LYPLAL1: variants seen among roughly 807,000 people sequenced by gnomAD.
The protein encoded by LYPLAL1 is lysophospholipase like 1, also known as lysophospholipase-like protein 1.
In LYPLAL1, 23 loss-of-function variants were observed where a neutral mutation model predicts 19.7. That is an observed-to-expected ratio of 1.17 (90% CI 0.84 to 1.65). The LOEUF (loss-of-function observed/expected upper bound fraction) is 1.65, where lower values mean the gene tolerates loss of function less well. Among genes scored for constraint, LYPLAL1 ranks in the 40% most tolerant of loss-of-function variants. The pLI, the probability that LYPLAL1 is intolerant of heterozygous loss-of-function variation, is 0.00. For missense variants in LYPLAL1, 355 were observed against 279.4 expected, an observed-to-expected ratio of 1.27 and a Z score of -1.93; for synonymous variants, 119 against 96.3, an observed-to-expected ratio of 1.24 and a Z score of -1.38.
At chr1:219,309,250 A>G in the LYPLAL1 span, among the ~76,000 whole-genome samples, 1 of 151,942 alleles carries the variant, frequency 6.6e-6, no homozygotes, top group East Asian at 1.9e-4. Flanking sequence ...TTTACCCAAT[A>G]CCTGTGTACC....
At chr1:219,186,752 A>C (rs1169444886) in intron 2 of LYPLAL1, among the ~76,000 whole-genome samples, 1 of 151,670 alleles carries the variant, frequency 6.6e-6, no homozygotes, top group East Asian at 1.9e-4. Flanking sequence ...CATTGTATTT[A>C]AAGTGGATTT....
chr1:219,359,208 C>G, the LYPLAL1 span, among the ~76,000 whole-genome samples: 1 of 152,138 alleles, frequency 6.6e-6, no homozygotes, highest in Non-Finnish European at 1.5e-5. Context: ...TGGCTAATTA[C>G]TAATGTTGCT....
chr1:219,345,794 G>A, the LYPLAL1 span, among the ~76,000 whole-genome samples: 3 of 152,126 alleles, frequency 2.0e-5, no homozygotes, highest in African/African-American at 7.2e-5. Context: ...AAGGAAGCAT[G>A]GACAGGACAT....
chr1:219,220,029 G>C, the LYPLAL1 span, among the ~76,000 whole-genome samples: 16 of 152,070 alleles, frequency 1.1e-4, no homozygotes, highest in Non-Finnish European at 4.4e-5. Context: ...GTAGCTACTG[G>C]AGGGTTCTCA....
At chr1:219,264,594 C>T in the LYPLAL1 span, among the ~76,000 whole-genome samples, 1 of 152,006 alleles carries the variant, frequency 6.6e-6, no homozygotes, top group Non-Finnish European at 1.5e-5. Context: ...AAGACGAATG[C>T]TTGGTTGGGT....
the LYPLAL1 span, among the ~76,000 whole-genome samples, chr1:219,333,011 C>T: frequency 7.9e-5 from 12 of 151,998 alleles, no homozygotes; most frequent in African/African-American, 2.9e-4. Context: ...CATTTGAATT[C>T]CTTGGCTATG....
the LYPLAL1 span, among the ~76,000 whole-genome samples, chr1:219,406,327 T>C: frequency 1.3e-5 from 2 of 152,216 alleles, no homozygotes; most frequent in Non-Finnish European, 2.9e-5. Context: ...AATTTTATGC[T>C]TAGAAAAACA....
chr1:219,179,849 A>G (rs1656127957), intron 2 of LYPLAL1, among the ~76,000 whole-genome samples: 1 of 152,250 alleles, frequency 6.6e-6, no homozygotes, highest in Non-Finnish European at 1.5e-5. Context: ...ATATTAAATT[A>G]ACATCTGCAT....
At chr1:219,229,798 G>T in the LYPLAL1 span, among the ~76,000 whole-genome samples, 6 of 152,306 alleles carry the variant, frequency 3.9e-5, no homozygotes, top group East Asian at 1.2e-3. Context: ...CATGCCCTGC[G>T]AGGGGGACAA....
chr1:219,377,720 A>G, the LYPLAL1 span, among the ~76,000 whole-genome samples: 3 of 152,232 alleles, frequency 2.0e-5, no homozygotes, highest in Admixed American at 2.0e-4. Context: ...TTAAGTAATA[A>G]TTTTTCTTTT....
chr1:219,371,653 T>A, the LYPLAL1 span, among the ~76,000 whole-genome samples: 1 of 152,240 alleles, frequency 6.6e-6, no homozygotes. Context: ...TTTTGAGTTT[T>A]GGCCAATCAA....
At chr1:219,244,711 C>T in the LYPLAL1 span, among the ~76,000 whole-genome samples, 10 of 152,046 alleles carry the variant, frequency 6.6e-5, no homozygotes, top group South Asian at 2.1e-4. Flanking sequence ...TTTGGGAAGC[C>T]GAAGTAGGCA....
chr1:219,189,708 T>C (rs1656994638), intron 2 of LYPLAL1, among the ~76,000 whole-genome samples: 1 of 151,550 alleles, frequency 6.6e-6, no homozygotes, highest in East Asian at 1.9e-4. Context: ...TAAAGAGCAA[T>C]GAAGGAAAAG....
the LYPLAL1 span, among the ~76,000 whole-genome samples, chr1:219,427,002 C>T: frequency 6.6e-6 from 1 of 152,232 alleles, no homozygotes; most frequent in African/African-American, 2.4e-5. Flanking sequence ...AATCAGATCA[C>T]TTCATTCTAC....
the LYPLAL1 span, among the ~76,000 whole-genome samples, chr1:219,352,318 C>T: frequency 6.6e-6 from 1 of 152,106 alleles, no homozygotes; most frequent in Non-Finnish European, 1.5e-5. Context: ...ATCACGAGGT[C>T]AGGAGATCGA....
Position 219,205,333 on chromosome 1 carries a change from C to T in LYPLAL1, c.362-5199C>T, listed in dbSNP as rs943655835. 5.1e-5 allele frequency among the ~76,000 whole-genome samples: 7 copies of T among 138,034 alleles called. No homozygotes were observed. In the East Asian group the frequency reaches 6.8e-4, roughly 13 times the overall value. The allele number at this position is 138,034 out of a possible 152,430, so 90.6% of individuals were successfully genotyped here. On this transcript the variant is annotated intron_variant, in intron 3 of 4. Transcript: ENST00000366928. ...GATTGCGCCACTGCAGTCCGCAGTCCGGCCTGGGCGACAGAGCGAGACTCC... is the reference window on the plus strand; with the variant it reads ...GATTGCGCCACTGCAGTCCGCAGTCTGGCCTGGGCGACAGAGCGAGACTCC...
At chr1:219,189,228 G>A (rs1189220337) in intron 2 of LYPLAL1, among the ~76,000 whole-genome samples, 1 of 151,574 alleles carries the variant, frequency 6.6e-6, no homozygotes, top group Non-Finnish European at 1.5e-5. Context: ...CCTTATTTAA[G>A]TATTTAGACA....
the LYPLAL1 span, among the ~76,000 whole-genome samples, chr1:219,419,410 C>G: frequency 6.6e-6 from 1 of 152,086 alleles, no homozygotes; most frequent in Non-Finnish European, 1.5e-5. Context: ...GCAATCATCT[C>G]TCAATGAAAA....
the LYPLAL1 span, among the ~76,000 whole-genome samples, chr1:219,225,850 T>C: frequency 2.0e-5 from 3 of 152,174 alleles, no homozygotes; most frequent in Non-Finnish European, 4.4e-5. Context: ...CACAGACAGA[T>C]AGACACACAC....
Sources: gnomAD v4.1 joint callset for allele counts (sites outside exome capture counted in the v4.1 genomes callset) on GRCh38, gnomAD v4.1.1 for gene constraint, MANE v1.5 for transcripts, NCBI Gene and HGNC (gene_info 2026-07-23, HGNC 2026-07-21) for gene names.